The following CENPW variants were observed in gnomAD, a reference collection of about 807,000 sequenced individuals.
CENPW encodes centromere protein W.
Under a neutral mutation model 11.1 loss-of-function variants are expected in CENPW, and 3 were observed. The observed-to-expected ratio is 0.27, with a 90% confidence interval of 0.12 to 0.70. The LOEUF is 0.70. CENPW is among the 30% of genes least tolerant of loss of function. The pLI is 0.77. For missense variants in CENPW, 100 were observed against 105.6 expected (o/e 0.95, Z 0.23); for synonymous variants, 38 against 42.0 (o/e 0.91, Z 0.37).
At chr6:126,463,140 G>C in the CENPW span, among the ~76,000 whole-genome samples, 1 of 151,964 alleles carries the variant, frequency 6.6e-6, no homozygotes, top group Non-Finnish European at 1.5e-5. Context: ...CCTCTCTTAT[G>C]TTAAATTACA....
the CENPW span, among the ~76,000 whole-genome samples, chr6:126,433,174 T>C: frequency 1.3e-5 from 2 of 152,234 alleles, no homozygotes; most frequent in African/African-American, 2.4e-5. Flanking sequence ...TAGAAACACA[T>C]ATTTAGTTTT....
At chr6:126,481,618 C>G in the CENPW span, among the ~76,000 whole-genome samples, 4 of 152,056 alleles carry the variant, frequency 2.6e-5, no homozygotes, top group Non-Finnish European at 5.9e-5. Context: ...TTCATGTGGG[C>G]AGAGTCCTTA....
At chr6:126,392,280 TG>T in the CENPW span, among the ~76,000 whole-genome samples, 19 of 151,886 alleles carry the variant, frequency 1.3e-4, no homozygotes, top group Middle Eastern at 3.2e-3. Context: ...TGTTTCAAAT[TG>T]TTTGCAGTTG....
At chr6:126,393,743 G>T in the CENPW span, among the ~76,000 whole-genome samples, 1 of 148,560 alleles carries the variant, frequency 6.7e-6, no homozygotes, top group Non-Finnish European at 1.5e-5. Context: ...ATTATATATG[G>T]ATATACATAT....
chr6:126,352,992 A>G (rs1324871783), downstream of CENPW, among the ~76,000 whole-genome samples: 1 of 152,044 alleles, frequency 6.6e-6, no homozygotes, highest in Non-Finnish European at 1.5e-5. Context: ...AACTTTTACT[A>G]AAGATTATAA....
the CENPW span, among the ~76,000 whole-genome samples, chr6:126,411,187 A>T: frequency 6.6e-6 from 1 of 152,144 alleles, no homozygotes. Context: ...TAGGAGGGGT[A>T]TGGGGACTCT....
chr6:126,352,415 A>G (rs958436874), downstream of CENPW, among the ~76,000 whole-genome samples: 1 of 152,148 alleles, frequency 6.6e-6, no homozygotes, highest in African/African-American at 2.4e-5. Flanking sequence ...GCTACACTGA[A>G]GTATGACACT....
the CENPW span, among the ~76,000 whole-genome samples, chr6:126,400,259 A>C: frequency 6.6e-6 from 1 of 152,064 alleles, no homozygotes; most frequent in Non-Finnish European, 1.5e-5. Flanking sequence ...TCTCAGTTTT[A>C]ATCATTCTGT....
chr6:126,405,347 C>G, the CENPW span, among the ~76,000 whole-genome samples: 2 of 151,980 alleles, frequency 1.3e-5, no homozygotes, highest in Non-Finnish European at 2.9e-5. Context: ...GTTCTGTTTT[C>G]TGTCTTATTG....
chr6:126,391,137 A>C, the CENPW span, among the ~76,000 whole-genome samples: 2 of 151,892 alleles, frequency 1.3e-5, no homozygotes, highest in Non-Finnish European at 2.9e-5. Context: ...AGCATTTGTC[A>C]TTGCCTGTCT....
At chr6:126,482,948 G>A in the CENPW span, among the ~76,000 whole-genome samples, 1 of 151,810 alleles carries the variant, frequency 6.6e-6, no homozygotes, top group Non-Finnish European at 1.5e-5. Flanking sequence ...TATCAATATT[G>A]TGTCTTTCAG....
chr6:126,434,131 A>G, the CENPW span, among the ~76,000 whole-genome samples: 1 of 152,130 alleles, frequency 6.6e-6, no homozygotes, highest in Non-Finnish European at 1.5e-5. Context: ...ACATGTTCCC[A>G]TATGTGTTCC....
the CENPW span, among the ~76,000 whole-genome samples, chr6:126,382,219 G>C: frequency 1.4e-3 from 206 of 151,736 alleles, no homozygotes; most frequent in Non-Finnish European, 1.0e-3. Flanking sequence ...CCTGGGTGAC[G>C]AGCGAAAATC....
the CENPW span, among the ~76,000 whole-genome samples, chr6:126,427,921 T>C: frequency 1.1e-4 from 16 of 152,196 alleles, no homozygotes; most frequent in Non-Finnish European, 1.9e-4. Context: ...AAGTTACTTT[T>C]TAACTTACCT....
the CENPW span, among the ~76,000 whole-genome samples, chr6:126,454,198 A>C: frequency 6.6e-6 from 1 of 151,314 alleles, no homozygotes; most frequent in Non-Finnish European, 1.5e-5. Flanking sequence ...TTGGGACCAG[A>C]GCTTGAAACC....
the CENPW span, among the ~76,000 whole-genome samples, chr6:126,449,440 T>C: frequency 6.6e-6 from 1 of 151,080 alleles, no homozygotes; most frequent in African/African-American, 2.4e-5. Context: ...AATGATCTCC[T>C]TACTCCTTCC....
the CENPW span, among the ~76,000 whole-genome samples, chr6:126,427,350 C>A: frequency 1.1e-4 from 16 of 152,230 alleles, no homozygotes; most frequent in African/African-American, 3.9e-4. Flanking sequence ...GCTTACTAGC[C>A]GTAGCCAAAT....
At chr6:126,392,696 C>G in the CENPW span, among the ~76,000 whole-genome samples, 2 of 151,896 alleles carry the variant, frequency 1.3e-5, no homozygotes, top group Non-Finnish European at 2.9e-5. Flanking sequence ...ATTCTGTTTG[C>G]TAGTACTTTG....
chr6:126,436,692 A>G, the CENPW span, among the ~76,000 whole-genome samples: 2 of 151,996 alleles, frequency 1.3e-5, no homozygotes, highest in East Asian at 1.9e-4. Context: ...TTTAAAATCT[A>G]TTTATTTTTA....
Sources: gnomAD v4.1 joint callset for allele counts (sites outside exome capture counted in the v4.1 genomes callset) on GRCh38, gnomAD v4.1.1 for gene constraint, MANE v1.5 for transcripts, NCBI Gene and HGNC (gene_info 2026-07-23, HGNC 2026-07-21) for gene names.